Variants in GPM6A observed in about 807,000 individuals in gnomAD.
GPM6A encodes glycoprotein M6A, also known as neuronal membrane glycoprotein M6-a.
In GPM6A, 7 loss-of-function variants were observed where a neutral mutation model predicts 32.1. The observed-to-expected ratio is 0.22, with a 90% CI of 0.12 to 0.41. GPM6A has a LOEUF of 0.41. GPM6A is among the 10% of genes least tolerant of loss of function. The pLI is 1.00. For missense variants in GPM6A, 235 were observed against 347.2 expected (o/e 0.68, Z 2.57); for synonymous variants, 130 against 123.4 (o/e 1.05, Z -0.35).
chr4:175,933,125 T>TA (rs941492192), intron 1 of GPM6A, among the ~76,000 whole-genome samples: 15 of 151,246 alleles, frequency 9.9e-5, no homozygotes, highest in Admixed American at 7.9e-4. Flanking sequence ...ATACTAATCA[T>TA]AAAAAAACCA....
At chr4:175,855,571 A>C (rs1736391622) in intron 1 of GPM6A, among the ~76,000 whole-genome samples, 1 of 152,242 alleles carries the variant, frequency 6.6e-6, no homozygotes, top group Non-Finnish European at 1.5e-5. Flanking sequence ...TATTCTAGTC[A>C]ACAAAATTGT....
At chr4:175,791,954 T>C (rs963588191) in intron 1 of GPM6A, among the ~76,000 whole-genome samples, 5 of 152,198 alleles carry the variant, frequency 3.3e-5, no homozygotes, top group African/African-American at 7.2e-5. Context: ...CCACAACCTG[T>C]GGTCATATTT....
At chr4:175,675,479 T>C (rs1322927086) in intron 2 of GPM6A, among the ~76,000 whole-genome samples, 1 of 152,118 alleles carries the variant, frequency 6.6e-6, no homozygotes, top group Non-Finnish European at 1.5e-5. Context: ...ACAGCACCAA[T>C]ATATAAGTAC....
intron 1 of GPM6A, among the ~76,000 whole-genome samples, chr4:175,941,362 A>T (rs889482819): frequency 6.6e-6 from 1 of 152,158 alleles, no homozygotes; most frequent in Non-Finnish European, 1.5e-5. Flanking sequence ...AGTTATTTTA[A>T]CATCAATCCA....
At chr4:175,758,336 G>T (rs1024356405) in intron 1 of GPM6A, among the ~76,000 whole-genome samples, 6 of 152,032 alleles carry the variant, frequency 3.9e-5, no homozygotes, top group African/African-American at 1.4e-4. Flanking sequence ...AAGGTATTTT[G>T]CTTTCTCAAC....
At chr4:175,635,390 C>T (rs1394633617) in intron 6 of GPM6A, among the ~76,000 whole-genome samples, 5 of 152,116 alleles carry the variant, frequency 3.3e-5, no homozygotes, top group African/African-American at 1.2e-4. Context: ...ATTTCATGTT[C>T]ATGTATCTAT....
intron 1 of GPM6A, among the ~76,000 whole-genome samples, chr4:175,911,259 G>A (rs779729883): frequency 4.6e-5 from 7 of 152,016 alleles, no homozygotes; most frequent in Non-Finnish European, 1.0e-4. Context: ...GCAGATGAAG[G>A]GGTGACGAGA....
intron 1 of GPM6A, among the ~76,000 whole-genome samples, chr4:175,889,554 G>A (rs1243132822): frequency 1.3e-5 from 2 of 149,734 alleles, no homozygotes; most frequent in African/African-American, 2.5e-5. Flanking sequence ...AGTGGCTCGC[G>A]CCTGTAATCC....
At chr4:175,750,446 G>A (rs568779095) in intron 1 of GPM6A, among the ~76,000 whole-genome samples, 1 of 152,062 alleles carries the variant, frequency 6.6e-6, no homozygotes, top group Non-Finnish European at 1.5e-5. Context: ...ATGTGTACCG[G>A]AGCACTCTTA....
At chr4:175,872,457 T>A (rs1736941755) in intron 1 of GPM6A, among the ~76,000 whole-genome samples, 2 of 152,132 alleles carry the variant, frequency 1.3e-5, no homozygotes, top group Admixed American at 6.5e-5. Flanking sequence ...ATAATGTGGG[T>A]ATGATGAGTT....
chr4:175,941,706 G>A (rs149458514), intron 1 of GPM6A, among the ~76,000 whole-genome samples: 1 of 152,104 alleles, frequency 6.6e-6, no homozygotes, highest in Non-Finnish European at 1.5e-5. Context: ...CCCTGCAAAG[G>A]ACATGAACTC....
At position 175,918,115 on chromosome 4, in the gene GPM6A, C is replaced by T. The variant is rs1001377857; in HGVS notation, c.-23+84194G>A. 1.6e-4 allele frequency among the ~76,000 whole-genome samples: 24 copies of T among 151,340 alleles called. 1 individual carries two copies. The South Asian group carries it at 2.1e-3, about 13-fold the overall frequency. ...ATTTCTATAGAGAGCATATTTTACA[C>T]GCATAACTTAAAAACCTGAGATTGA... On this transcript the variant is annotated intron_variant, in intron 1 of 7. Transcript: ENST00000280187.
At chr4:175,782,978 A>G (rs528918288) in intron 1 of GPM6A, among the ~76,000 whole-genome samples, 2 of 152,014 alleles carry the variant, frequency 1.3e-5, no homozygotes, top group Admixed American at 6.6e-5. Flanking sequence ...TTATTGTTGT[A>G]AGTTATTAGC....
intron 1 of GPM6A, among the ~76,000 whole-genome samples, chr4:175,831,559 C>T (rs1033186472): frequency 2.0e-5 from 3 of 152,068 alleles, no homozygotes; most frequent in Non-Finnish European, 4.4e-5. Flanking sequence ...TTTTGCAAAA[C>T]AAATCCGTGC....
intron 1 of GPM6A, chr4:175,947,524 C>T (rs1739649211): frequency 6.6e-6 from 1 of 151,890 alleles, no homozygotes; most frequent in South Asian, 2.1e-4. Flanking sequence ...ATAATGATGT[C>T]TTCAAGATAA....
upstream of GPM6A, chr4:175,812,301 GTTTTTTTTT>G: frequency 1.3e-6 from 1 of 793,064 alleles, no homozygotes; most frequent in East Asian, 4.4e-5. Flanking sequence ...AAAACTGGGG[GTTTTTTTTT>G]TTTTTTTTTT....
chr4:175,685,191 T>C (rs1447251424), intron 2 of GPM6A, among the ~76,000 whole-genome samples: 1 of 152,174 alleles, frequency 6.6e-6, no homozygotes, highest in African/African-American at 2.4e-5. Flanking sequence ...GCCTGGCCTA[T>C]GTGTGTTTAT....
rs1195955886 is a variant in GPM6A at position 175,903,378 on chromosome 4, G to A, written c.-22-91129C>T. 2.0e-5 allele frequency among the ~76,000 whole-genome samples: 3 copies of A among 151,372 alleles called. No homozygotes were observed. In the East Asian group the frequency reaches 5.8e-4, roughly 29 times the overall value. Reference sequence around the variant, plus strand: ...GTATACTAGTAAATATAGAGGGAATGATGAAGTAAGAAAATATCATTGAAT... The same window carrying A: ...GTATACTAGTAAATATAGAGGGAATAATGAAGTAAGAAAATATCATTGAAT... On this transcript the variant is annotated intron_variant, in intron 1 of 7. Coordinates refer to the GPM6A transcript ENST00000280187.
intron 1 of GPM6A, among the ~76,000 whole-genome samples, chr4:175,785,502 AT>A (rs1733765219): frequency 6.6e-6 from 1 of 152,238 alleles, no homozygotes; most frequent in African/African-American, 2.4e-5. Flanking sequence ...TAGTAACCAC[AT>A]TATATTAACA....
Sources: allele counts gnomAD v4.1 joint callset (sites outside exome capture counted in the v4.1 genomes callset), GRCh38; gene constraint gnomAD v4.1.1; transcripts MANE v1.5; gene names NCBI Gene and HGNC (gene_info 2026-07-23, HGNC 2026-07-21).